Variants in IL1RAPL1 observed in about 807,000 individuals in gnomAD.
IL1RAPL1 encodes the protein interleukin 1 receptor accessory protein like 1, also known as interleukin-1 receptor accessory protein-like 1.
IL1RAPL1 carries 3 observed loss-of-function variants against 48.4 expected under a neutral mutation model. The observed-to-expected ratio is 0.06, with a 90% CI of 0.03 to 0.16. IL1RAPL1 has a LOEUF of 0.16. Among genes scored for constraint, IL1RAPL1 ranks in the 10% least tolerant of loss-of-function variants. IL1RAPL1 has a pLI of 1.00. For missense variants in IL1RAPL1, 349 were observed against 530.6 expected, an observed-to-expected ratio of 0.66 and a Z score of 3.36; for synonymous variants, 185 against 187.7, an observed-to-expected ratio of 0.99 and a Z score of 0.12.
intron 2 of IL1RAPL1, among the ~76,000 whole-genome samples, chrX:29,183,314 A>G (rs921637405): frequency 8.9e-6 from 1 of 111,746 alleles, no homozygotes; most frequent in East Asian, 2.8e-4. Flanking sequence ...ATCTGAATCA[A>G]TATAGCTTTC....
intron 1 of IL1RAPL1, among the ~76,000 whole-genome samples, chrX:28,704,822 A>G (rs1569154986): frequency 1.7e-5 from 1 of 58,571 alleles, no homozygotes; most frequent in East Asian, 7.3e-4. Flanking sequence ...ACACACACAC[A>G]CACACACACA....
intron 6 of IL1RAPL1, among the ~76,000 whole-genome samples, chrX:29,785,497 T>G (rs1443820503): frequency 8.9e-6 from 1 of 112,393 alleles, no homozygotes; most frequent in Non-Finnish European, 1.9e-5. Flanking sequence ...AATAGATGTA[T>G]GCTTTACAGA....
chrX:29,108,988 G>A (rs749051540), intron 2 of IL1RAPL1, among the ~76,000 whole-genome samples: 1 of 110,212 alleles, frequency 9.1e-6, no homozygotes, highest in Admixed American at 9.8e-5. Context: ...CATATTTTGC[G>A]TTTTGTAAAT....
intron 3 of IL1RAPL1, among the ~76,000 whole-genome samples, chrX:29,388,438 G>A (rs903252360): frequency 8.0e-5 from 9 of 111,896 alleles, no homozygotes; most frequent in Admixed American, 1.9e-4. Flanking sequence ...GATATATACC[G>A]AAAAGAATTA....
intron 6 of IL1RAPL1, among the ~76,000 whole-genome samples, chrX:29,906,329 T>C (rs1341897450): frequency 2.5e-4 from 21 of 84,644 alleles, no homozygotes; most frequent in African/African-American, 1.0e-3. Flanking sequence ...AGCGAGACTC[T>C]GTCTCAAAAA....
At chrX:28,701,635 A>C (rs190747902) in intron 1 of IL1RAPL1, among the ~76,000 whole-genome samples, 1 of 111,714 alleles carries the variant, frequency 9.0e-6, no homozygotes, top group East Asian at 2.8e-4. Flanking sequence ...AAAGACAAAA[A>C]TCCTTTATGC....
intron 2 of IL1RAPL1, among the ~76,000 whole-genome samples, chrX:28,908,947 TATCCTTG>T: frequency 8.9e-6 from 1 of 112,166 alleles, no homozygotes; most frequent in East Asian, 2.8e-4. Context: ...CGTCCTTCCT[TATCCTTG>T]ATACTTTTCT....
chrX:29,099,572 C>A (rs1928289731), intron 2 of IL1RAPL1, among the ~76,000 whole-genome samples: 1 of 111,589 alleles, frequency 9.0e-6, no homozygotes, highest in Non-Finnish European at 1.9e-5. Context: ...AGATTTAAAC[C>A]CAAGTCTGTC....
At position 28,846,571 on chromosome X, in the gene IL1RAPL1, T is replaced by C. The variant is rs1039513580; in HGVS notation, c.82+57146T>C. On this transcript the variant is annotated intron_variant, in intron 2 of 10. Coordinates refer to ENST00000378993, the MANE Select transcript of IL1RAPL1 (RefSeq NM_014271.4). ...GTGAATAAAAGTTCCTGTTGCTCCG[T>C]ATTCTTGCCAGCATTTTGTTGTCAG... is the stretch of plus-strand genomic sequence containing the variant. Among the ~76,000 whole-genome samples, 4 of 111,432 alleles carry C rather than the reference T, an allele frequency of 3.6e-5. No homozygotes were observed. The East Asian group carries it at 1.1e-3, about 32-fold the overall frequency.
At chrX:29,925,227 A>G (rs1390706071) in intron 8 of IL1RAPL1, among the ~76,000 whole-genome samples, 1 of 110,208 alleles carries the variant, frequency 9.1e-6, no homozygotes, top group East Asian at 2.8e-4. Context: ...GACCCATTAA[A>G]AGCTGAGCTA....
intron 4 of IL1RAPL1, among the ~76,000 whole-genome samples, chrX:29,398,462 A>G (rs1324196671): frequency 1.8e-5 from 2 of 112,073 alleles, no homozygotes; most frequent in Non-Finnish European, 3.8e-5. Context: ...AGCCAACATC[A>G]TTATTATTCA....
intron 2 of IL1RAPL1, among the ~76,000 whole-genome samples, chrX:28,796,928 G>A (rs1936619432): frequency 1.8e-5 from 2 of 112,374 alleles, no homozygotes; most frequent in African/African-American, 6.5e-5. Flanking sequence ...TGGGCATCCA[G>A]GCATTTCCAT....
intron 3 of IL1RAPL1, among the ~76,000 whole-genome samples, chrX:29,308,893 C>T (rs1267934701): frequency 1.8e-5 from 2 of 111,970 alleles, no homozygotes; most frequent in East Asian, 5.6e-4. Context: ...AAGGAGAAAT[C>T]AATGCCCCCT....
At chrX:29,244,797 CT>C (rs1283287793) in intron 2 of IL1RAPL1, among the ~76,000 whole-genome samples, 1 of 111,303 alleles carries the variant, frequency 9.0e-6, no homozygotes, top group Non-Finnish European at 1.9e-5. Context: ...GAACTTTCAT[CT>C]TTTTTTTCAG....
At chrX:29,033,603 T>G (rs1334403433) in intron 2 of IL1RAPL1, among the ~76,000 whole-genome samples, 2 of 111,219 alleles carry the variant, frequency 1.8e-5, no homozygotes, top group African/African-American at 6.5e-5. Context: ...CTCAAGACTT[T>G]TAAGTAAGGC....
chrX:28,774,783 A>G (rs759850897), intron 1 of IL1RAPL1, among the ~76,000 whole-genome samples: 1 of 111,525 alleles, frequency 9.0e-6, no homozygotes, highest in Admixed American at 9.5e-5. Context: ...AGCATCTCAA[A>G]CTTTATCCAA....
intron 1 of IL1RAPL1, among the ~76,000 whole-genome samples, chrX:28,695,840 T>C (rs1418443745): frequency 8.9e-6 from 1 of 112,075 alleles, no homozygotes; most frequent in African/African-American, 3.2e-5. Flanking sequence ...AAACAACTTA[T>C]GGGAATTTGT....
At chrX:29,160,409 T>G (rs1024705859) in intron 2 of IL1RAPL1, among the ~76,000 whole-genome samples, 1 of 111,816 alleles carries the variant, frequency 8.9e-6, no homozygotes, top group African/African-American at 3.2e-5. Flanking sequence ...ACTGTTGTGT[T>G]CTATGAAAGT....
At chrX:28,951,442 C>T (rs1429447004) in intron 2 of IL1RAPL1, among the ~76,000 whole-genome samples, 2 of 104,841 alleles carry the variant, frequency 1.9e-5, no homozygotes, top group African/African-American at 7.0e-5. Flanking sequence ...TTGTCAACTA[C>T]ACTTTTACAT....
Sources: allele counts gnomAD v4.1 joint callset (sites outside exome capture counted in the v4.1 genomes callset), GRCh38; gene constraint gnomAD v4.1.1; transcripts MANE v1.5; gene names NCBI Gene and HGNC (gene_info 2026-07-23, HGNC 2026-07-21).